SLCO2B1: variants seen among roughly 807,000 people sequenced by gnomAD.
The protein encoded by SLCO2B1 is solute carrier organic anion transporter family member 2B1.
A neutral mutation model predicts 67.3 loss-of-function variants in SLCO2B1; 41 were observed. The ratio of observed to expected loss-of-function variants is 0.61; its 90% CI spans 0.47 to 0.79. The LOEUF (loss-of-function observed/expected upper bound fraction) is 0.79, where lower values mean the gene tolerates loss of function less well. Ranked by LOEUF, SLCO2B1 falls within the 30% of genes least tolerant of loss-of-function variation. The pLI is 0.00. For synonymous variants in SLCO2B1, 379 were observed against 381.4 expected, an observed-to-expected ratio of 0.99 and a Z score of 0.07; for missense variants, 837 against 920.1, an observed-to-expected ratio of 0.91 and a Z score of 1.17.
chr11:75,177,836 C>T (rs1043882430), intron 7 of SLCO2B1, among the ~76,000 whole-genome samples: 7 of 152,116 alleles, frequency 4.6e-5, no homozygotes, highest in Non-Finnish European at 8.8e-5. Flanking sequence ...TGGCTCACAC[C>T]TGTAATCTCA....
At chr11:75,165,477 G>A (rs1156490268) in intron 3 of SLCO2B1, among the ~76,000 whole-genome samples, 3 of 151,186 alleles carry the variant, frequency 2.0e-5, no homozygotes, top group African/African-American at 7.3e-5. Flanking sequence ...TTTAGACTTT[G>A]TTTATGACAT....
chr11:75,198,549 C>T (rs1945136923), intron 10 of SLCO2B1, among the ~76,000 whole-genome samples: 1 of 152,230 alleles, frequency 6.6e-6, no homozygotes, highest in Non-Finnish European at 1.5e-5. Context: ...TGCCCAGAGT[C>T]TCAATACCAG....
chr11:75,173,804 T>G (rs1949993220), intron 7 of SLCO2B1, among the ~76,000 whole-genome samples: 1 of 152,178 alleles, frequency 6.6e-6, no homozygotes, highest in African/African-American at 2.4e-5. Flanking sequence ...AGAAACAATT[T>G]TTAAAGTTTA....
intron 4 of SLCO2B1, among the ~76,000 whole-genome samples, chr11:75,168,601 C>T (rs1367912025): frequency 1.3e-5 from 2 of 152,194 alleles, no homozygotes; most frequent in Admixed American, 6.5e-5. Context: ...ATGCCAAGGG[C>T]CCCAGGGCCC....
At chr11:75,180,453 C>G (rs1401437153) in intron 7 of SLCO2B1, among the ~76,000 whole-genome samples, 1 of 152,134 alleles carries the variant, frequency 6.6e-6, no homozygotes, top group Non-Finnish European at 1.5e-5. Flanking sequence ...TAAATTACAC[C>G]CCTACCAACA....
chr11:75,177,606 CAG>C (rs1179071976), intron 7 of SLCO2B1, among the ~76,000 whole-genome samples: 1 of 152,166 alleles, frequency 6.6e-6, no homozygotes, highest in Non-Finnish European at 1.5e-5. Flanking sequence ...GTGGGCTGGA[CAG>C]AGAATCACTA....
intron 13 of SLCO2B1, 66 bp from the exon 14 acceptor site, chr11:75,204,334 T>C (rs1217096486): frequency 6.9e-7 from 1 of 1,456,672 alleles, no homozygotes; most frequent in Non-Finnish European, 9.3e-7. Flanking sequence ...CAATGAGTGA[T>C]GACTGCTGAC....
rs201262805 is a variant in SLCO2B1, at chr11:75,151,405, C to T, written c.16+8C>T. The stretch of plus-strand genomic sequence containing the variant: ...TCATGGGACCCAGGATAGGTAAGTC[C>T]GAACAAATTAAGGAAGGGCCATGGA... On this transcript the variant is annotated splice_region_variant and intron_variant, in intron 1 of 13. Coordinates refer to ENST00000289575, the MANE Select transcript of SLCO2B1 (RefSeq NM_007256.5). 417 of 1,613,468 alleles carry T rather than the reference C, an allele frequency of 2.6e-4. 1 individual carries two copies. Among genetic ancestry groups the T allele is most frequent in the Middle Eastern group, 3.3e-4 (2 of 6,078 alleles).
In SLCO2B1 at chr11:75,195,175, C is replaced by T. The variant is rs183816291; in HGVS notation, c.1434-1339C>T. On this transcript the variant is annotated intron_variant, in intron 9 of 13. Transcript: ENST00000289575. ...GGGTAGAGCCTGGAGCCAGGACTCT[C>T]CCCACAGAAGCAATCAGCTCCAGGT... Among the ~76,000 whole-genome samples the T allele has an allele frequency of 5.9e-5, 9 of 152,318 alleles. No individual in the cohort carries two copies. The East Asian group carries it at 1.4e-3, about 23-fold the overall frequency.
chr11:75,158,540 G>A (rs1949773365), intron 1 of SLCO2B1, among the ~76,000 whole-genome samples: 1 of 151,948 alleles, frequency 6.6e-6, no homozygotes, highest in Non-Finnish European at 1.5e-5. Context: ...AGAATCTTAT[G>A]ACCTATTTCA....
intron 7 of SLCO2B1, among the ~76,000 whole-genome samples, chr11:75,180,721 A>G (rs886495344): frequency 6.6e-6 from 1 of 151,998 alleles, no homozygotes; most frequent in Non-Finnish European, 1.5e-5. Context: ...TTTATTACTT[A>G]CTCTGTACCA....
At chr11:75,168,749 G>A (rs969995314) in intron 4 of SLCO2B1, among the ~76,000 whole-genome samples, 13 of 152,080 alleles carry the variant, frequency 8.5e-5, no homozygotes, top group Non-Finnish European at 1.6e-4. Context: ...TGGGTTTTGC[G>A]TGTACTGTGA....
At chr11:75,186,079 C>G (rs886707641) in intron 7 of SLCO2B1, among the ~76,000 whole-genome samples, 1 of 152,130 alleles carries the variant, frequency 6.6e-6, no homozygotes, top group Non-Finnish European at 1.5e-5. Context: ...CATTTTCCTA[C>G]CCCTCAGTCA....
At chr11:75,181,234 G>A (rs775801840) in intron 7 of SLCO2B1, among the ~76,000 whole-genome samples, 1 of 152,000 alleles carries the variant, frequency 6.6e-6, no homozygotes, top group Non-Finnish European at 1.5e-5. Context: ...GCCAGGCATG[G>A]TGGTGGGTGC....
chr11:75,176,600 C>A (rs1408881850), intron 7 of SLCO2B1, among the ~76,000 whole-genome samples: 1 of 152,228 alleles, frequency 6.6e-6, no homozygotes, highest in Admixed American at 6.5e-5. Flanking sequence ...GGCTAAGAGT[C>A]TGTAAGCCTG....
chr11:75,167,674 G>A (rs759851238), intron 4 of SLCO2B1, among the ~76,000 whole-genome samples: 74 of 152,072 alleles, frequency 4.9e-4, no homozygotes, highest in Non-Finnish European at 9.6e-4. Flanking sequence ...ACGTCTAGTA[G>A]GCCCCATGCC....
chr11:75,185,501 C>CTCTT (rs1555141346), intron 7 of SLCO2B1, among the ~76,000 whole-genome samples: 5 of 106,190 alleles, frequency 4.7e-5, no homozygotes, highest in African/African-American at 1.2e-4. Flanking sequence ...GTATAAGTCT[C>CTCTT]TTTTTTTTTT....
rs1285622490 is a variant in SLCO2B1 at position 75,204,414 on chromosome 11, A to G, written c.1964A>G (p.Gln655Arg). 1.2e-6 allele frequency: 2 copies of G among 1,606,556 alleles called. No individual in the cohort carries two copies. The highest frequency in any genetic ancestry group is 1.1e-5 in the South Asian group (1 of 89,524). Residue 655 changes from glutamine (Q) to arginine (R), a missense_variant, in exon 14 of 14, where the codon CAG (glutamine) becomes CGG (arginine). By Grantham distance (43) the Gln-to-Arg change is conservative. Coordinates refer to ENST00000289575, the MANE Select transcript of SLCO2B1 (RefSeq NM_007256.5). ...TCTTTCCCCAGGTTCATCGGCCTCCAGTTCTTCTTCAAAACAGGTTCTGTG... is the reference window on the plus strand; with the variant it reads ...TCTTTCCCCAGGTTCATCGGCCTCCGGTTCTTCTTCAAAACAGGTTCTGTG... The part of the protein sequence containing the change: ...DLLRNRFIGL[Q>R]FFFKTGSVIC...
At chr11:75,192,013 A>G (rs1945029061) in intron 8 of SLCO2B1, among the ~76,000 whole-genome samples, 2 of 152,062 alleles carry the variant, frequency 1.3e-5, no homozygotes, top group South Asian at 2.1e-4. Flanking sequence ...TTTTTTGCCA[A>G]AACAGTCACT....
Sources: allele counts gnomAD v4.1 joint callset (sites outside exome capture counted in the v4.1 genomes callset), GRCh38; gene constraint gnomAD v4.1.1; transcripts MANE v1.5; gene names NCBI Gene and HGNC (gene_info 2026-07-23, HGNC 2026-07-21).